ANO7: variants seen among roughly 807,000 people sequenced by gnomAD.
ANO7 encodes anoctamin-7.
In ANO7, 114 loss-of-function variants were observed where a neutral mutation model predicts 115.8. That is an observed-to-expected ratio of 0.98 (90% CI 0.85 to 1.15). The LOEUF is 1.15. Ranked by LOEUF, ANO7 falls within the 50% of genes most tolerant of loss-of-function variation. The pLI is 0.00. For synonymous variants in ANO7, 550 were observed against 498.2 expected (o/e 1.10, Z -1.38); for missense variants, 1,302 against 1,201.2 (o/e 1.08, Z -1.24).
At chr2:241,201,702 G>T (rs1285967077) in intron 7 of ANO7, among the ~76,000 whole-genome samples, 1 of 152,224 alleles carries the variant, frequency 6.6e-6, no homozygotes, top group African/African-American at 2.4e-5. Context: ...AGGAAGGGTG[G>T]CCCCAGGCGG....
At position 241,203,437 on chromosome 2, in the gene ANO7, G is replaced by A. The variant is rs750256912; in HGVS notation, c.828G>A (p.Gln276=). The A allele has an allele frequency of 6.3e-7, 1 of 1,590,522 alleles. No individual in the cohort carries two copies. Among genetic ancestry groups the A allele is most frequent in the Non-Finnish European group, 8.5e-7 (1 of 1,169,642 alleles). ...GCTGGGGCAAGTGGAACAAGTACCA[G>A]CCCCTGGACCACGTGCGCAGGTACT... is the stretch of plus-strand genomic sequence containing the variant. The part of the protein sequence containing the change: ...WARWGKWNKY[Q]PLDHVRRYFG... Residue 276 remains glutamine (Q), a synonymous_variant, in exon 9 of 25, where the codon CAG becomes CAA. Coordinates refer to ENST00000674324, the MANE Select transcript of ANO7 (RefSeq NM_001370694.2). The surrounding 1 kb of genome is among the most constrained non-coding windows in gnomAD (Gnocchi z 4.8).
the ANO7 span, chr2:241,233,913 G>T: frequency 5.6e-6 from 9 of 1,613,992 alleles, no homozygotes; most frequent in African/African-American, 6.7e-5. This position sits in a 1 kb window ranked among gnomAD's most constrained non-coding sequence, Gnocchi z 4.3. Context: ...CGATAATCTT[G>T]GGATGGTATT....
Position 241,217,798 on chromosome 2 carries a change from C to T in ANO7, c.2085C>T (p.Cys695=), listed in dbSNP as rs1367932681. 6.2e-7 allele frequency: 1 copy of T among 1,610,288 alleles called. No individual in the cohort carries two copies. Among genetic ancestry groups the T allele is most frequent in the Non-Finnish European group, 8.5e-7 (1 of 1,179,066 alleles). ...EIRLDARKFV[C]EYRRPVAERA... ...GCTTGGACGCGCGCAAGTTCGTCTG[C>T]GAGTACCGGCGCCCGGTGGCCGAGC... Residue 695 remains cysteine (C), a synonymous_variant, in exon 20 of 25, where the codon TGC becomes TGT. Coordinates refer to ENST00000674324, the MANE Select transcript of ANO7 (RefSeq NM_001370694.2).
chr2:241,221,674 ATTAT>A (rs1050177290), intron 21 of ANO7, among the ~76,000 whole-genome samples: 2 of 149,938 alleles, frequency 1.3e-5, no homozygotes, highest in Non-Finnish European at 3.0e-5. Flanking sequence ...TAGGGAAGGG[ATTAT>A]TTCTTTTTTT....
chr2:241,194,392 G>GGGTTCA (rs2149115648), intron 3 of ANO7, among the ~76,000 whole-genome samples: 1 of 148,174 alleles, frequency 6.7e-6, no homozygotes, highest in South Asian at 2.1e-4. Flanking sequence ...TCAGCTCACT[G>GGGTTCA]CAAGCTCCGT....
chr2:241,240,118 G>C, the ANO7 span: 1 of 1,614,008 alleles, frequency 6.2e-7, no homozygotes, highest in Non-Finnish European at 8.5e-7. This position sits in a 1 kb window ranked among gnomAD's most constrained non-coding sequence, Gnocchi z 5.5. Context: ...GAAACTCTTG[G>C]TTTGCTGCAG....
intron 16 of ANO7, among the ~76,000 whole-genome samples, 171 bp downstream of exon 16, chr2:241,212,376 CAG>C (rs898341981): frequency 8.5e-5 from 13 of 152,270 alleles, no homozygotes; most frequent in African/African-American, 1.2e-4. Context: ...TCTGAGCAAA[CAG>C]GGGCTGCCCA....
At chr2:241,218,450 GT>G (rs2068924323) in intron 21 of ANO7, 69 bp downstream of exon 21, 2 of 1,228,048 alleles carry the variant, frequency 1.6e-6, no homozygotes, top group Non-Finnish European at 2.0e-6. Flanking sequence ...CTCGGGTGGG[GT>G]GGGGGTGCGG....
intron 11 of ANO7, among the ~76,000 whole-genome samples, 180 bp from the exon 12 acceptor site, chr2:241,209,105 C>T (rs1027299702): frequency 3.3e-5 from 5 of 152,160 alleles, no homozygotes; most frequent in Non-Finnish European, 7.4e-5. Context: ...GCCGAGATCG[C>T]GCCACTGCAC....
chr2:241,236,695 G>C, the ANO7 span: 2 of 1,614,022 alleles, frequency 1.2e-6, no homozygotes, highest in Non-Finnish European at 8.5e-7. Context: ...GGAGAGCCGG[G>C]GTCACAATCT....
chr2:241,233,075 G>T, the ANO7 span, among the ~76,000 whole-genome samples: 1 of 152,046 alleles, frequency 6.6e-6, no homozygotes, highest in Non-Finnish European at 1.5e-5. The surrounding 1 kb of genome is among the most constrained non-coding windows in gnomAD (Gnocchi z 4.3). Flanking sequence ...GCTGCCAGGG[G>T]GTTTGCTGTT....
chr2:241,217,601 A>C (rs751288018), intron 19 of ANO7, 85 bp from the exon 20 acceptor site: 29 of 1,441,982 alleles, frequency 2.0e-5, no homozygotes, highest in Non-Finnish European at 2.3e-5. Flanking sequence ...CACCACGTGG[A>C]CTGGCCGGTC....
At chr2:241,218,203 CG>C in intron 20 of ANO7, 35 bp from the exon 21 acceptor site, 2 of 1,323,488 alleles carry the variant, frequency 1.5e-6, no homozygotes, top group Non-Finnish European at 1.9e-6. Context: ...AGGGGCGGAG[CG>C]GGGGCCGCCT....
downstream of ANO7, among the ~76,000 whole-genome samples, chr2:241,226,704 G>C (rs1052881053): frequency 3.9e-5 from 6 of 152,184 alleles, no homozygotes; most frequent in African/African-American, 1.4e-4. Context: ...GATTACAGGC[G>C]TGAGCCACCG....
the ANO7 span, chr2:241,235,661 A>G: frequency 2.7e-6 from 3 of 1,110,380 alleles, no homozygotes; most frequent in East Asian, 2.4e-5. Context: ...AAGCTCAGCA[A>G]TGGGGCTCCA....
intron 21 of ANO7, among the ~76,000 whole-genome samples, chr2:241,219,585 A>G (rs958947679): frequency 6.7e-6 from 1 of 149,884 alleles, no homozygotes; most frequent in African/African-American, 2.5e-5. Context: ...CTTTTTTTTT[A>G]GAGACTGGGT....
chr2:241,201,291 C>G lies in ANO7; in HGVS notation c.555-7C>G, dbSNP rs747138963. On this transcript the variant is annotated splice_region_variant and splice_polypyrimidine_tract_variant and intron_variant, in intron 6 of 24. Transcript: ENST00000674324. ...CCAAACCTTCTGCACTGTTCACATGCCCACAGCTTCCTCGGGAGTGACAAC... is the reference window on the plus strand; with the variant it reads ...CCAAACCTTCTGCACTGTTCACATGGCCACAGCTTCCTCGGGAGTGACAAC... 1 of 1,605,884 alleles carries G rather than the reference C, an allele frequency of 6.2e-7. No homozygotes were observed. Among genetic ancestry groups the G allele is most frequent in the Non-Finnish European group, 8.5e-7 (1 of 1,179,478 alleles).
chr2:241,202,360 T>A (rs142085216), intron 8 of ANO7, 56 bp downstream of exon 8: 4 of 1,523,330 alleles, frequency 2.6e-6, no homozygotes, highest in Non-Finnish European at 3.6e-6. Context: ...TCCCCTTGGG[T>A]CCTGTTGGCC....
the ANO7 span, chr2:241,231,183 G>A: frequency 1.8e-5 from 8 of 445,520 alleles, no homozygotes; most frequent in African/African-American, 9.9e-5. Flanking sequence ...TCCGGAATTC[G>A]TGACCAGCCT....
Sources: allele counts gnomAD v4.1 joint callset (sites outside exome capture counted in the v4.1 genomes callset), GRCh38; gene constraint gnomAD v4.1.1; non-coding constraint Gnocchi (gnomAD v3.1); transcripts MANE v1.5; gene names NCBI Gene and HGNC (gene_info 2026-07-23, HGNC 2026-07-21).